The following C6orf89 variants were observed in gnomAD, a reference collection of about 807,000 sequenced individuals.
The protein encoded by C6orf89 is bombesin receptor-activated protein C6orf89.
A neutral mutation model predicts 40.7 loss-of-function variants in C6orf89; 29 were observed. The ratio of observed to expected loss-of-function variants is 0.71; its 90% CI spans 0.53 to 0.97. The LOEUF is 0.97. C6orf89 is among the 50% of genes least tolerant of loss of function. The probability of loss-of-function intolerance (pLI) is 0.00; values close to 1 mark genes in which losing one functional copy is unlikely to be tolerated. For synonymous variants in C6orf89, 165 were observed against 152.2 expected (o/e 1.08, Z -0.62); for missense variants, 392 against 429.1 (o/e 0.91, Z 0.76).
chr6:36,896,114 A>G (rs1761419499), intron 2 of C6orf89, among the ~76,000 whole-genome samples: 1 of 152,036 alleles, frequency 6.6e-6, no homozygotes. Context: ...GGTCCTTTGT[A>G]TATCTTTTTT....
intron 4 of C6orf89, among the ~76,000 whole-genome samples, chr6:36,904,872 T>G (rs959618879): frequency 1.3e-5 from 2 of 152,096 alleles, no homozygotes; most frequent in Non-Finnish European, 2.9e-5. Context: ...GCTGCAGCCT[T>G]GGTGATGTAC....
chr6:36,882,549 T>A (rs1045068691), upstream of C6orf89, among the ~76,000 whole-genome samples: 1 of 152,138 alleles, frequency 6.6e-6, no homozygotes, highest in African/African-American at 2.4e-5. Context: ...GATAAAATAA[T>A]CCAAATTTAA....
In C6orf89 at chr6:36,923,525, G is replaced by T; in HGVS notation, c.*84G>T. 9.5e-7 allele frequency: 1 copy of T among 1,057,128 alleles called. No individual in the cohort carries two copies. The highest frequency in any genetic ancestry group is 1.3e-5 in the South Asian group (1 of 75,120). 65.5% of individuals were successfully genotyped at this position (1,057,128 alleles called of 1,614,324 possible). A position where few individuals can be genotyped will look rare whatever the true frequency, so the allele number is the denominator to read the frequency against. On this transcript the variant is annotated 3_prime_UTR_variant, in exon 9 of 9. Coordinates refer to ENST00000480824, the MANE Select transcript of C6orf89 (RefSeq NM_001286635.2). ...AAATAAAAACAAAAACGATGAAACTGCTTTCTGGGGGTTGGTTACTTAGTT... is the reference window on the plus strand; with the variant it reads ...AAATAAAAACAAAAACGATGAAACTTCTTTCTGGGGGTTGGTTACTTAGTT...
rs1474632160 is a variant in C6orf89 at position 36,924,509 on chromosome 6, G to T, written c.*1068G>T. ...GTCTGTGCTGCGAAACAAAGACAAG[G>T]TGAGGTGTTTTTCTTTTTTGTAATA... On this transcript the variant is annotated 3_prime_UTR_variant, in exon 9 of 9. Transcript: ENST00000480824. The T allele has an allele frequency of 6.6e-6, 1 of 152,222 alleles. No homozygotes were observed. Among genetic ancestry groups the T allele is most frequent in the East Asian group, 1.9e-4 (1 of 5,208 alleles). The allele number at this position is 152,222 out of a possible 1,614,324, so 9.4% of individuals were successfully genotyped here.
chr6:36,881,582 G>A (rs908878356), upstream of C6orf89, among the ~76,000 whole-genome samples: 2 of 152,226 alleles, frequency 1.3e-5, no homozygotes, highest in Non-Finnish European at 1.5e-5. Flanking sequence ...GCTGAGGCAG[G>A]AGAATCGCTT....
At chr6:36,896,574 C>A (rs532572787) in intron 2 of C6orf89, among the ~76,000 whole-genome samples, 1 of 152,212 alleles carries the variant, frequency 6.6e-6, no homozygotes, top group East Asian at 1.9e-4. Context: ...TGTGGCTTGT[C>A]ATTTTACTTT....
At chr6:36,877,437 T>C (rs943484815) in intron 1 of C6orf89, among the ~76,000 whole-genome samples, 7 of 152,190 alleles carry the variant, frequency 4.6e-5, no homozygotes, top group African/African-American at 1.7e-4. Context: ...TTCAAGCGAT[T>C]CTCCTGCCTC....
chr6:36,873,817 T>C (rs182253805), intron 1 of C6orf89, among the ~76,000 whole-genome samples: 3 of 152,256 alleles, frequency 2.0e-5, no homozygotes, highest in Admixed American at 2.0e-4. Context: ...TCCCTGGCTG[T>C]TGAGGGGAGA....
intron 7 of C6orf89, among the ~76,000 whole-genome samples, chr6:36,918,922 A>T (rs1762416887): frequency 6.6e-6 from 1 of 152,212 alleles, no homozygotes; most frequent in Admixed American, 6.5e-5. Flanking sequence ...TTGTCTCCTT[A>T]GTTTTCAAAA....
At chr6:36,891,499 G>T (rs1174443735) in intron 1 of C6orf89, among the ~76,000 whole-genome samples, 1 of 152,044 alleles carries the variant, frequency 6.6e-6, no homozygotes, top group Non-Finnish European at 1.5e-5. Context: ...TAATCCTTTG[G>T]GTATATACCC....
At chr6:36,873,429 A>G (rs1164583771) in intron 1 of C6orf89, among the ~76,000 whole-genome samples, 1 of 152,218 alleles carries the variant, frequency 6.6e-6, no homozygotes, top group African/African-American at 2.4e-5. Flanking sequence ...AAACATACAT[A>G]CAGTATGATC....
chr6:36,889,347 TGAATG>T (rs1775108854), intron 1 of C6orf89, among the ~76,000 whole-genome samples: 1 of 152,082 alleles, frequency 6.6e-6, no homozygotes, highest in South Asian at 2.1e-4. Flanking sequence ...GGTTAATAAA[TGAATG>T]GAAACCTGAG....
At chr6:36,891,262 C>G (rs112438379) in intron 1 of C6orf89, among the ~76,000 whole-genome samples, 2,237 of 152,194 alleles carry the variant, frequency 0.015, 57 homozygotes, top group African/African-American at 0.046. Flanking sequence ...TCTGTCCTTG[C>G]GATAGTTTGC....
At chr6:36,877,946 A>C (rs768619205) in intron 1 of C6orf89, among the ~76,000 whole-genome samples, 8 of 152,214 alleles carry the variant, frequency 5.3e-5, no homozygotes, top group Non-Finnish European at 1.0e-4. Context: ...GAAAGTTTCT[A>C]ATTTTAATGT....
chr6:36,923,761 G>A lies in C6orf89; in HGVS notation c.*320G>A, dbSNP rs1004553168. On this transcript the variant is annotated 3_prime_UTR_variant, in exon 9 of 9. Coordinates refer to ENST00000480824, the MANE Select transcript of C6orf89 (RefSeq NM_001286635.2). ...GCCCTTCAGGCAGGAAACAGGGCTGGTGCCTTTCTTCACCTGCATGGCCAG... is the reference window on the plus strand; with the variant it reads ...GCCCTTCAGGCAGGAAACAGGGCTGATGCCTTTCTTCACCTGCATGGCCAG... 4.1e-5 allele frequency: 15 copies of A among 369,506 alleles called. No homozygotes were observed. In the Admixed American group the frequency reaches 4.9e-4, roughly 12 times the overall value. The allele number at this position is 369,506 out of a possible 1,614,324, so 22.9% of individuals were successfully genotyped here.
intron 4 of C6orf89, among the ~76,000 whole-genome samples, chr6:36,906,122 C>T (rs761417799): frequency 2.6e-5 from 4 of 152,230 alleles, no homozygotes; most frequent in Non-Finnish European, 4.4e-5. Context: ...GAACTCGATG[C>T]ATCCCGTAAC....
intron 4 of C6orf89, among the ~76,000 whole-genome samples, chr6:36,906,871 G>A (rs1761947210): frequency 6.6e-6 from 1 of 152,182 alleles, no homozygotes; most frequent in Non-Finnish European, 1.5e-5. Context: ...CATGGGCTTT[G>A]CAGGGTTTTC....
intron 1 of C6orf89, among the ~76,000 whole-genome samples, chr6:36,890,768 G>A (rs1583152971): frequency 6.6e-6 from 1 of 152,020 alleles, no homozygotes; most frequent in Non-Finnish European, 1.5e-5. Context: ...CCAGCTCCTG[G>A]CCCCAAGTGA....
chr6:36,879,281 C>A (rs1471552519), intron 2 of C6orf89: 2 of 152,170 alleles, frequency 1.3e-5, no homozygotes, highest in Non-Finnish European at 2.9e-5. Flanking sequence ...CAAATATAAA[C>A]CTTGCCAGTT....
Sources: allele counts gnomAD v4.1 joint callset (sites outside exome capture counted in the v4.1 genomes callset), GRCh38; gene constraint gnomAD v4.1.1; transcripts MANE v1.5; gene names NCBI Gene and HGNC (gene_info 2026-07-23, HGNC 2026-07-21).